Variants in PTPN4 observed in about 807,000 individuals in gnomAD.
The protein encoded by PTPN4 is tyrosine-protein phosphatase non-receptor type 4.
In PTPN4, 49 loss-of-function variants were observed where a neutral mutation model predicts 135.5. The ratio of observed to expected loss-of-function variants is 0.36; its 90% CI spans 0.29 to 0.46. The LOEUF (loss-of-function observed/expected upper bound fraction) is 0.46, where lower values mean the gene tolerates loss of function less well. PTPN4 is among the 20% of genes least tolerant of loss of function. The pLI is 1.00. For synonymous variants in PTPN4, 333 were observed against 369.9 expected, an observed-to-expected ratio of 0.90 and a Z score of 1.14; for missense variants, 860 against 1,101.0, an observed-to-expected ratio of 0.78 and a Z score of 3.10.
At chr2:119,948,101 G>A (rs559783650) in intron 18 of PTPN4, among the ~76,000 whole-genome samples, 3 of 151,766 alleles carry the variant, frequency 2.0e-5, no homozygotes, top group Non-Finnish European at 1.5e-5. Context: ...TAAAAGATGG[G>A]GACAAAGATG....
chr2:119,881,989 T>G (rs1188577043), intron 6 of PTPN4, 108 bp from the exon 7 acceptor site: 3 of 1,182,406 alleles, frequency 2.5e-6, no homozygotes, highest in Non-Finnish European at 3.8e-6. Flanking sequence ...TCTTAACAGT[T>G]AAAATCAAAT....
At chr2:119,892,836 C>T (rs1678261907) in intron 9 of PTPN4, among the ~76,000 whole-genome samples, 1 of 151,862 alleles carries the variant, frequency 6.6e-6, no homozygotes, top group Admixed American at 6.6e-5. Flanking sequence ...ATCCTCCCAC[C>T]TCAGCCTTCC....
intron 2 of PTPN4, among the ~76,000 whole-genome samples, chr2:119,845,137 C>T (rs1677471238): frequency 6.7e-6 from 1 of 148,578 alleles, no homozygotes. Flanking sequence ...AGGCACTGGG[C>T]AGGCTGAGGC....
intron 9 of PTPN4, among the ~76,000 whole-genome samples, chr2:119,895,188 G>C (rs1678300744): frequency 1.3e-5 from 2 of 152,168 alleles, no homozygotes; most frequent in Admixed American, 6.5e-5. Flanking sequence ...ATATTGTTTT[G>C]AAATTGTTTT....
intron 22 of PTPN4, 39 bp from the exon 23 acceptor site, chr2:119,960,768 A>C (rs768703432): frequency 5.8e-5 from 93 of 1,592,370 alleles, no homozygotes; most frequent in Non-Finnish European, 7.4e-5. Flanking sequence ...TGTAAAAAGT[A>C]ATGCAAAACA....
intron 9 of PTPN4, among the ~76,000 whole-genome samples, chr2:119,894,001 C>T (rs760144669): frequency 2.6e-5 from 4 of 152,098 alleles, no homozygotes; most frequent in African/African-American, 4.8e-5. Flanking sequence ...GCATTTACTG[C>T]GTGCCAGCCA....
At chr2:119,828,385 T>C (rs538895129) in intron 2 of PTPN4, among the ~76,000 whole-genome samples, 1 of 152,372 alleles carries the variant, frequency 6.6e-6, no homozygotes, top group African/African-American at 2.4e-5. Flanking sequence ...TGTCTTAGCA[T>C]TGTGGTGTAT....
chr2:119,793,551 G>C (rs192193978), intron 1 of PTPN4, among the ~76,000 whole-genome samples: 101 of 152,284 alleles, frequency 6.6e-4, no homozygotes, highest in African/African-American at 2.3e-3. Context: ...TTAAAGTAAA[G>C]ACAGACATAG....
chr2:119,862,653 A>G lies in PTPN4; in HGVS notation c.246+10A>G, dbSNP rs371751460. On this transcript the variant is annotated intron_variant, in intron 3 of 26. Coordinates refer to ENST00000263708, the MANE Select transcript of PTPN4 (RefSeq NM_002830.4). The stretch of plus-strand genomic sequence containing the variant: ...TTCCACAGATAACCCAGTAAGTGTA[A>G]GATTTTGTCTTTCATTTTCATTTAG... 23 of 1,584,858 alleles carry G rather than the reference A, an allele frequency of 1.5e-5. No homozygotes were observed. The African/African-American group carries it at 2.6e-4, about 18-fold the overall frequency.
Position 119,768,953 on chromosome 2 carries a change from T to C in PTPN4, c.-18+8569T>C, listed in dbSNP as rs1690687016. ...ATATTTTGCATTCAGATTCGTCTGA[T>C]ACTGAAGCATCTTTTCTCTCCTGTA... is the stretch of plus-strand genomic sequence containing the variant. On this transcript the variant is annotated intron_variant, in intron 1 of 26. Coordinates refer to ENST00000263708, the MANE Select transcript of PTPN4 (RefSeq NM_002830.4). 2.0e-5 allele frequency among the ~76,000 whole-genome samples: 3 copies of C among 152,398 alleles called. No individual in the cohort carries two copies. In the South Asian group the frequency reaches 6.2e-4, roughly 32 times the overall value.
chr2:119,822,494 G>T (rs1472834816), intron 2 of PTPN4, among the ~76,000 whole-genome samples: 1 of 152,030 alleles, frequency 6.6e-6, no homozygotes, highest in Non-Finnish European at 1.5e-5. Context: ...AAGTAGCTGG[G>T]ACTACAGGCA....
At chr2:119,914,107 CCTA>C (rs1341710171) in intron 10 of PTPN4, among the ~76,000 whole-genome samples, 4 of 151,972 alleles carry the variant, frequency 2.6e-5, no homozygotes, top group Admixed American at 1.3e-4. Flanking sequence ...TTGAAACTGG[CCTA>C]GATTTCCTTT....
At chr2:119,918,102 T>A (rs1678683800) in intron 11 of PTPN4, among the ~76,000 whole-genome samples, 1 of 152,222 alleles carries the variant, frequency 6.6e-6, no homozygotes, top group African/African-American at 2.4e-5. Flanking sequence ...GTAAAACATA[T>A]GAACTATATA....
At chr2:119,935,999 C>T (rs1678976618) in intron 15 of PTPN4, among the ~76,000 whole-genome samples, 1 of 151,954 alleles carries the variant, frequency 6.6e-6, no homozygotes, top group Non-Finnish European at 1.5e-5. Flanking sequence ...TGAATATTTC[C>T]ACATGTAAAT....
At chr2:119,918,965 T>TA (rs1324374047) in intron 11 of PTPN4, among the ~76,000 whole-genome samples, 38 of 152,220 alleles carry the variant, frequency 2.5e-4, no homozygotes, top group African/African-American at 7.2e-4. Flanking sequence ...AAGCCAGACC[T>TA]AAAGACACAT....
chr2:119,906,311 G>A (rs1187454455), intron 10 of PTPN4, among the ~76,000 whole-genome samples: 1 of 152,030 alleles, frequency 6.6e-6, no homozygotes, highest in Non-Finnish European at 1.5e-5. Flanking sequence ...CATCCTGAGT[G>A]ACAGTGTGAG....
chr2:119,905,679 C>T (rs978972895), intron 10 of PTPN4, among the ~76,000 whole-genome samples: 7 of 152,148 alleles, frequency 4.6e-5, no homozygotes, highest in Admixed American at 3.3e-4. Context: ...CACCTCAGCA[C>T]GTGAAACACT....
At chr2:119,901,757 G>A (rs532829321) in intron 10 of PTPN4, among the ~76,000 whole-genome samples, 6 of 152,198 alleles carry the variant, frequency 3.9e-5, no homozygotes, top group South Asian at 2.1e-4. Context: ...AAGAACAGAC[G>A]GAAATGTAAG....
At chr2:119,823,330 A>T (rs919150021) in intron 2 of PTPN4, among the ~76,000 whole-genome samples, 4 of 150,510 alleles carry the variant, frequency 2.7e-5, no homozygotes, top group Admixed American at 6.6e-5. Flanking sequence ...CGCCTCCCGG[A>T]TTCACGCCAT....
Sources: gnomAD v4.1 joint callset for allele counts (sites outside exome capture counted in the v4.1 genomes callset) on GRCh38, gnomAD v4.1.1 for gene constraint, MANE v1.5 for transcripts, NCBI Gene and HGNC (gene_info 2026-07-23, HGNC 2026-07-21) for gene names.